USP34: variants seen among roughly 807,000 people sequenced by gnomAD.
USP34 encodes ubiquitin carboxyl-terminal hydrolase 34.
A neutral mutation model predicts 460.3 loss-of-function variants in USP34; 70 were observed. That is an observed-to-expected ratio of 0.15 (90% CI 0.13 to 0.19). The LOEUF is 0.19. USP34 is among the 10% of genes least tolerant of loss of function. USP34 has a pLI of 1.00. For missense variants in USP34, 3,985 were observed against 4,236.2 expected, an observed-to-expected ratio of 0.94 and a Z score of 1.65; for synonymous variants, 1,647 against 1,405.3, an observed-to-expected ratio of 1.17 and a Z score of -3.85.
rs1347514334 is a variant in USP34, at chr2:61,283,204, G to C, written c.4939C>G (p.Leu1647Val). 5 of 1,613,532 alleles carry C rather than the reference G, an allele frequency of 3.1e-6. No individual in the cohort carries two copies. Among genetic ancestry groups the C allele is most frequent in the Non-Finnish European group, 4.2e-6 (5 of 1,179,714 alleles). Residue 1647 changes from leucine to valine, a missense_variant, in exon 37 of 80, where the codon CTT becomes GTT. Transcript: ENST00000398571. ...TCTTGTAAATGATCGCTATCAGCAA[G>C]GCTAGATTTCACTAAAGAACAGCAA... ...AHCCSLVKSS[L>V]ADSDHLQDWL...
At chr2:61,379,343 A>G (rs1037114054) in intron 7 of USP34, among the ~76,000 whole-genome samples, 1 of 152,132 alleles carries the variant, frequency 6.6e-6, no homozygotes, top group Non-Finnish European at 1.5e-5. Context: ...ACACGGTAAA[A>G]ACCCATCTCT....
At chr2:61,382,676 C>T (rs1374295866) in intron 6 of USP34, among the ~76,000 whole-genome samples, 2 of 152,244 alleles carry the variant, frequency 1.3e-5, no homozygotes, top group South Asian at 2.1e-4. Flanking sequence ...ATGCAGAATC[C>T]TGACAGTTCA....
At chr2:61,351,935 C>T (rs536292440) in intron 10 of USP34, among the ~76,000 whole-genome samples, 33 of 152,210 alleles carry the variant, frequency 2.2e-4, no homozygotes, top group African/African-American at 6.7e-4. Flanking sequence ...CAGGTCTTGA[C>T]TAAGAATGTT....
At chr2:61,315,987 C>G (rs1272935500) in intron 23 of USP34, among the ~76,000 whole-genome samples, 1 of 149,126 alleles carries the variant, frequency 6.7e-6, no homozygotes, top group Non-Finnish European at 1.5e-5. Flanking sequence ...ACTGCCTGAG[C>G]TCAGGAGTTC....
intron 21 of USP34, among the ~76,000 whole-genome samples, chr2:61,323,181 A>C (rs1669058174): frequency 6.6e-6 from 1 of 152,136 alleles, no homozygotes; most frequent in Non-Finnish European, 1.5e-5. Context: ...TGAGTTTCAG[A>C]CCAGGCTGGG....
At chr2:61,455,017 G>C (rs899454709) in intron 1 of USP34, among the ~76,000 whole-genome samples, 1 of 151,842 alleles carries the variant, frequency 6.6e-6, no homozygotes, top group Middle Eastern at 3.4e-3. Context: ...AAGCAGCTGG[G>C]ATTACAGGCA....
At chr2:61,292,126 C>T (rs557336144) in intron 33 of USP34, among the ~76,000 whole-genome samples, 10 of 152,042 alleles carry the variant, frequency 6.6e-5, no homozygotes, top group African/African-American at 2.4e-4. Context: ...GGTCATAGTC[C>T]CACAACTTTG....
At chr2:61,276,525 C>T (rs1689377362) in intron 41 of USP34, among the ~76,000 whole-genome samples, 1 of 152,072 alleles carries the variant, frequency 6.6e-6, no homozygotes, top group South Asian at 2.1e-4. Context: ...CCTGGAAGGC[C>T]ATCACCATAG....
chr2:61,283,189 G>A lies in USP34; in HGVS notation c.4954C>T (p.His1652Tyr). 2.5e-6 allele frequency: 4 copies of A among 1,613,490 alleles called. No individual in the cohort carries two copies. In the South Asian group the frequency reaches 4.4e-5, roughly 18 times the overall value. The change falls in exon 37 of 80, where the codon CAT (histidine) becomes TAT (tyrosine). Residue 1652 changes from histidine (H) to tyrosine (Y), a missense_variant. Physicochemically the swap from His to Tyr is moderately conservative, Grantham distance 83 (BLOSUM62 2). This residue lies in a region of USP34 where 1,114 missense variants were observed against 1,122.5 expected (regional missense o/e 0.99). Transcript: ENST00000398571. ...AATTTCTTTAGCCAATCTTGTAAAT[G>A]ATCGCTATCAGCAAGGCTAGATTTC... ...LVKSSLADSD[H>Y]LQDWLKKLTL...
At chr2:61,297,582 C>T (rs894636485) in intron 29 of USP34, among the ~76,000 whole-genome samples, 2 of 152,120 alleles carry the variant, frequency 1.3e-5, no homozygotes, top group Admixed American at 6.5e-5. Context: ...CTAAAATTGA[C>T]AGTTTTGGTA....
chr2:61,456,309 C>G (rs1695437031), intron 1 of USP34, among the ~76,000 whole-genome samples: 2 of 152,108 alleles, frequency 1.3e-5, no homozygotes, highest in South Asian at 4.1e-4. Context: ...AAGAATAGGT[C>G]CTGATTAGTT....
At chr2:61,394,533 C>CAAAA (rs200686763) in intron 5 of USP34, among the ~76,000 whole-genome samples, 39 of 109,894 alleles carry the variant, frequency 3.5e-4, no homozygotes, top group South Asian at 8.5e-4. Context: ...CCCTCTCTCT[C>CAAAA]AAAAAAAAAA....
chr2:61,237,128 A>C (rs1488211198), intron 53 of USP34, among the ~76,000 whole-genome samples: 1 of 152,134 alleles, frequency 6.6e-6, no homozygotes, highest in South Asian at 2.1e-4. Flanking sequence ...CCTGCTCTAC[A>C]GTGATATTCC....
intron 41 of USP34, among the ~76,000 whole-genome samples, chr2:61,266,772 A>G (rs1558499790): frequency 2.0e-5 from 3 of 152,288 alleles, no homozygotes; most frequent in South Asian, 4.1e-4. Flanking sequence ...CTGTGCAGAA[A>G]AGAGATAGCA....
At chr2:61,240,025 A>C (rs1327116446) in intron 53 of USP34, among the ~76,000 whole-genome samples, 1 of 151,786 alleles carries the variant, frequency 6.6e-6, no homozygotes, top group Non-Finnish European at 1.5e-5. Context: ...AAAAAAAAAA[A>C]AAAGACTTGA....
chr2:61,468,447 T>C (rs1366974949), intron 1 of USP34, among the ~76,000 whole-genome samples: 1 of 152,212 alleles, frequency 6.6e-6, no homozygotes, highest in East Asian at 1.9e-4. Context: ...CCTCGCAAAG[T>C]GTTGGGATTA....
In USP34 at chr2:61,283,443, T is replaced by C. The variant is rs1445566218; in HGVS notation, c.4839A>G (p.Leu1613=). ...TAGACCTGTGATCAGACTGAGCTTTTAAAACTCTGTAAAGTAAAAACACCA... is the reference window on the plus strand; with the variant it reads ...TAGACCTGTGATCAGACTGAGCTTTCAAAACTCTGTAAAGTAAAAACACCA... ...YTYDNLAPRV[L]KAQSDHRSRH... The change falls in exon 36 of 80, where the codon TTA becomes TTG. Residue 1613 remains leucine, a synonymous_variant. Coordinates refer to ENST00000398571, the MANE Select transcript of USP34 (RefSeq NM_014709.4). 1 of 1,605,564 alleles carries C rather than the reference T, an allele frequency of 6.2e-7. No individual in the cohort carries two copies. Among genetic ancestry groups the C allele is most frequent in the East Asian group, 2.2e-5 (1 of 44,732 alleles).
chr2:61,305,207 G>A (rs544513745), intron 27 of USP34, among the ~76,000 whole-genome samples: 7 of 151,808 alleles, frequency 4.6e-5, no homozygotes, highest in African/African-American at 1.5e-4. Flanking sequence ...GCCTGTAGTC[G>A]CAGCTACTTG....
intron 2 of USP34, among the ~76,000 whole-genome samples, chr2:61,413,411 T>TA: frequency 8.6e-6 from 1 of 116,858 alleles, no homozygotes; most frequent in East Asian, 2.5e-4. Context: ...AATAAAAAAA[T>TA]AAAAAAACAA....
Sources: gnomAD v4.1 joint callset for allele counts (sites outside exome capture counted in the v4.1 genomes callset) on GRCh38, gnomAD v4.1.1 for gene constraint, gnomAD v4.1.1 regional missense constraint, MANE v1.5 for transcripts, NCBI Gene and HGNC (gene_info 2026-07-23, HGNC 2026-07-21) for gene names.